Variants in RABL3 observed in about 807,000 individuals in gnomAD.
The protein encoded by RABL3 is RAB, member of RAS oncogene family like 3.
Under a neutral mutation model 31.8 loss-of-function variants are expected in RABL3, and 31 were observed. The observed-to-expected ratio is 0.97, with a 90% CI of 0.73 to 1.31. The LOEUF is 1.31. Ranked by LOEUF, RABL3 falls within the 40% of genes most tolerant of loss-of-function variation. RABL3 has a pLI of 0.00. For synonymous variants in RABL3, 97 were observed against 99.9 expected, an observed-to-expected ratio of 0.97 and a Z score of 0.18; for missense variants, 263 against 279.6, an observed-to-expected ratio of 0.94 and a Z score of 0.42.
At chr3:120,702,677 C>A (rs1487318512) in intron 4 of RABL3, among the ~76,000 whole-genome samples, 1 of 151,878 alleles carries the variant, frequency 6.6e-6, no homozygotes, top group Non-Finnish European at 1.5e-5. Flanking sequence ...CCTGCCTCAG[C>A]CTCCCAAGTA....
Position 120,685,329 on chromosome 3 carries a change from A to G in RABL3, c.*4494T>C, listed in dbSNP as rs6776950. On this transcript the variant is annotated 3_prime_UTR_variant, in exon 8 of 8. Transcript: ENST00000273375. ...ACGGAGAGATTACCTGATATACTTG[A>G]TGGTACTGAGCGAGGTTTTACACCT... is the stretch of plus-strand genomic sequence containing the variant. 0.05 allele frequency among the ~76,000 whole-genome samples: 7,601 copies of G among 152,270 alleles called. 287 individuals carry two copies. The highest frequency in any genetic ancestry group is 0.19 in the East Asian group (996 of 5,180).
In RABL3 at chr3:120,730,926, A is replaced by G. The variant is rs1576346697; in HGVS notation, c.47-139T>C. ...ATGCCATACCAACAATATAAGCTTCACTGAATAAAATGAAGATGGTAGAGG... is the reference window on the plus strand; with the variant it reads ...ATGCCATACCAACAATATAAGCTTCGCTGAATAAAATGAAGATGGTAGAGG... On this transcript the variant is annotated intron_variant, in intron 1 of 7. Transcript: ENST00000273375. 1.7e-5 allele frequency: 11 copies of G among 649,820 alleles called. No homozygotes were observed. In the East Asian group the frequency reaches 3.1e-4, roughly 18 times the overall value. 40.3% of individuals were successfully genotyped at this position (649,820 alleles called of 1,614,324 possible). A position where few individuals can be genotyped will look rare whatever the true frequency, so the allele number is the denominator to read the frequency against.
intron 1 of RABL3, among the ~76,000 whole-genome samples, chr3:120,738,290 AC>A (rs1708997494): frequency 6.6e-6 from 1 of 152,194 alleles, no homozygotes; most frequent in Non-Finnish European, 1.5e-5. Flanking sequence ...TGGGTGTGGC[AC>A]CCTCTGAGCC....
intron 2 of RABL3, among the ~76,000 whole-genome samples, chr3:120,716,034 T>C (rs1045213532): frequency 6.6e-6 from 1 of 152,240 alleles, no homozygotes; most frequent in Non-Finnish European, 1.5e-5. Flanking sequence ...TTAGTGAAGA[T>C]AGAGACTATT....
intron 1 of RABL3, among the ~76,000 whole-genome samples, chr3:120,733,741 A>C (rs927898558): frequency 1.4e-4 from 21 of 152,278 alleles, no homozygotes; most frequent in Admixed American, 9.2e-4. Context: ...TATAAGGTGT[A>C]AGGAAGGGAT....
At chr3:120,742,517 G>T, upstream of RABL3, 1 of 1,614,076 alleles carries the variant, frequency 6.2e-7, no homozygotes, top group Non-Finnish European at 8.5e-7. Context: ...TCTTGCCACT[G>T]CCTTCCCTGG....
At chr3:120,740,311 G>C (rs556858528) in intron 1 of RABL3, among the ~76,000 whole-genome samples, 5 of 152,036 alleles carry the variant, frequency 3.3e-5, no homozygotes, top group Non-Finnish European at 5.9e-5. Flanking sequence ...ACCCAGGCTA[G>C]AGTGCAGTGG....
chr3:120,692,198 C>CT (rs200177852), intron 6 of RABL3, among the ~76,000 whole-genome samples: 38,688 of 149,476 alleles, frequency 0.26, 5,610 homozygotes, highest in Non-Finnish European at 0.33. Flanking sequence ...GAGAAGAAAT[C>CT]TTTTTTTTTT....
chr3:120,718,793 A>G (rs74560606), intron 2 of RABL3, among the ~76,000 whole-genome samples: 69 of 152,366 alleles, frequency 4.5e-4, no homozygotes, highest in Middle Eastern at 3.4e-3. Flanking sequence ...ACAAACACTA[A>G]CTAAAAATAA....
intron 3 of RABL3, among the ~76,000 whole-genome samples, chr3:120,709,056 G>C (rs1708582652): frequency 6.6e-6 from 1 of 151,954 alleles, no homozygotes; most frequent in Non-Finnish European, 1.5e-5. Context: ...TACCAGGAGG[G>C]AAATGCCAAA....
Position 120,688,711 on chromosome 3 carries a change from A to G in RABL3, c.*1112T>C, listed in dbSNP as rs1307891239. 1 of 152,192 alleles carries G rather than the reference A, an allele frequency of 6.6e-6. No individual in the cohort carries two copies. The highest frequency in any genetic ancestry group is 1.5e-5 in the Non-Finnish European group (1 of 68,042). 9.4% of individuals were successfully genotyped at this position (152,192 alleles called of 1,614,324 possible). A position where few individuals can be genotyped will look rare whatever the true frequency, so the allele number is the denominator to read the frequency against. ...TGAATAAATTGTTTTTAGAAATCAA[A>G]TTCATATACTCAGGAAGAACTGGGG... On this transcript the variant is annotated 3_prime_UTR_variant, in exon 8 of 8. Transcript: ENST00000273375.
chr3:120,727,060 A>T (rs56140323), intron 2 of RABL3, among the ~76,000 whole-genome samples: 34,736 of 152,004 alleles, frequency 0.23, 4,694 homozygotes, highest in Non-Finnish European at 0.3. Context: ...TTAGAGTCTT[A>T]GAGCTCTAAA....
intron 2 of RABL3, among the ~76,000 whole-genome samples, chr3:120,727,400 CA>C (rs1414456938): frequency 6.6e-6 from 1 of 151,948 alleles, no homozygotes; most frequent in East Asian, 1.9e-4. Context: ...CATAAACTAC[CA>C]AAATTGACAC....
At chr3:120,732,734 C>T (rs569679445) in intron 1 of RABL3, among the ~76,000 whole-genome samples, 61 of 140,548 alleles carry the variant, frequency 4.3e-4, no homozygotes, top group Non-Finnish European at 8.3e-4. Context: ...CCACAACAGG[C>T]CCTGGTGTGT....
intron 2 of RABL3, among the ~76,000 whole-genome samples, chr3:120,726,251 A>G (rs1241416640): frequency 6.6e-6 from 1 of 152,196 alleles, no homozygotes; most frequent in African/African-American, 2.4e-5. Flanking sequence ...TGGAGAACAT[A>G]TAAGCCTTTT....
intron 5 of RABL3, among the ~76,000 whole-genome samples, chr3:120,697,283 C>T (rs868608981): frequency 7.9e-5 from 12 of 152,216 alleles, no homozygotes; most frequent in South Asian, 2.1e-4. Context: ...CCTAATTGAC[C>T]TGGGTAAACT....
In RABL3 at chr3:120,685,647, G is replaced by C. The variant is rs1263495877; in HGVS notation, c.*4176C>G. Among the ~76,000 whole-genome samples, 2 of 152,130 alleles carry C rather than the reference G, an allele frequency of 1.3e-5. No individual in the cohort carries two copies. Among genetic ancestry groups the C allele is most frequent in the Non-Finnish European group, 2.9e-5 (2 of 68,026 alleles). On this transcript the variant is annotated 3_prime_UTR_variant, in exon 8 of 8. Transcript: ENST00000273375. ...TATGTAGCTTTGAGTGGGGAGGAGTGGATCAGTTCATTAAGGTGAGATCAG... is the reference window on the plus strand; with the variant it reads ...TATGTAGCTTTGAGTGGGGAGGAGTCGATCAGTTCATTAAGGTGAGATCAG...
intron 4 of RABL3, among the ~76,000 whole-genome samples, chr3:120,704,842 C>A (rs1708531449): frequency 6.6e-6 from 1 of 152,042 alleles, no homozygotes; most frequent in African/African-American, 2.4e-5. Flanking sequence ...GTCAGGAATT[C>A]GAGATCAGCC....
intron 1 of RABL3, among the ~76,000 whole-genome samples, chr3:120,735,864 T>C (rs1260994348): frequency 6.6e-6 from 1 of 151,778 alleles, no homozygotes; most frequent in Non-Finnish European, 1.5e-5. Context: ...TTTGAGTGAG[T>C]TTCTCAATCC....
Sources: allele counts gnomAD v4.1 joint callset (sites outside exome capture counted in the v4.1 genomes callset), GRCh38; gene constraint gnomAD v4.1.1; transcripts MANE v1.5; gene names NCBI Gene and HGNC (gene_info 2026-07-23, HGNC 2026-07-21).